DPP6: variants seen among roughly 807,000 people sequenced by gnomAD.
DPP6 encodes dipeptidyl peptidase like 6.
DPP6 carries 69 observed loss-of-function variants against 122.6 expected under a neutral mutation model. That is an observed-to-expected ratio of 0.56 (90% CI 0.46 to 0.69). The LOEUF (loss-of-function observed/expected upper bound fraction) is 0.69. Ranked by LOEUF, DPP6 falls within the 30% of genes least tolerant of loss-of-function variation. The pLI, the probability that DPP6 is intolerant of heterozygous loss-of-function variation, is 0.00. For missense variants in DPP6, 928 were observed against 1,116.9 expected, an observed-to-expected ratio of 0.83 and a Z score of 2.41; for synonymous variants, 418 against 433.1, an observed-to-expected ratio of 0.97 and a Z score of 0.43.
chr7:154,879,576 G>A (rs1182907339), intron 20 of DPP6, among the ~76,000 whole-genome samples: 2 of 80,914 alleles, frequency 2.5e-5, no homozygotes, highest in Non-Finnish European at 4.1e-5. Flanking sequence ...GGGCGACAGC[G>A]AGACTCCGTC....
chr7:154,254,467 A>T (rs1585750841), intron 1 of DPP6, among the ~76,000 whole-genome samples: 1 of 152,210 alleles, frequency 6.6e-6, no homozygotes, highest in South Asian at 2.1e-4. Flanking sequence ...TGAATTTCGA[A>T]TGAAAACACT....
upstream of DPP6, among the ~76,000 whole-genome samples, chr7:154,050,091 G>T (rs1800224061): frequency 6.6e-6 from 1 of 152,102 alleles, no homozygotes; most frequent in Admixed American, 6.5e-5. Context: ...GCTCTTTCCT[G>T]CCCTCCGTTT....
intron 20 of DPP6, 38 bp downstream of exon 20, chr7:154,876,138 G>T (rs763611884): frequency 6.6e-7 from 1 of 1,522,642 alleles, no homozygotes; most frequent in African/African-American, 1.4e-5. Context: ...GGCCGGGAGG[G>T]GACGGGGCTC....
Position 154,061,950 on chromosome 7 carries a change from C to A in DPP6, c.243+8887C>A, listed in dbSNP as rs1354502268. On this transcript the variant is annotated intron_variant, in intron 1 of 25. Transcript: ENST00000377770. The stretch of plus-strand genomic sequence containing the variant: ...CCCCATCGCAGGAGGGGGAGGCAAC[C>A]CTGCGAGGGTGGGGACTGAGAGCTA... Among the ~76,000 whole-genome samples, 3 of 133,734 alleles carry A rather than the reference C, an allele frequency of 2.2e-5. 1 individual carries two copies. Among genetic ancestry groups the A allele is most frequent in the African/African-American group, 8.3e-5 (3 of 36,262 alleles). 87.7% of individuals were successfully genotyped at this position (133,734 alleles called of 152,430 possible).
In DPP6 at chr7:154,868,096, A is replaced by T. The variant is rs1283457429; in HGVS notation, c.1813+3A>T. The T allele has an allele frequency of 6.3e-7, 1 of 1,599,214 alleles. No homozygotes were observed. Among genetic ancestry groups the T allele is most frequent in the Non-Finnish European group, 8.5e-7 (1 of 1,172,760 alleles). ...GGACATTGAGATTGATGATTACAGT[A>T]AGTACTACGTTTTTCCCCTCTAAAA... On this transcript the variant is annotated splice_donor_region_variant and intron_variant, in intron 18 of 25. Transcript: ENST00000377770.
In DPP6 at chr7:154,516,264, CTT is replaced by C. The variant is rs34511688; in HGVS notation, c.458-24256_458-24255del. Reference sequence around the variant, plus strand: ...TCCTCAATACCTACTCCGAACTCTGCTTTTTTTTTTTTTGGTCCAGACAGAAA... The same window carrying C: ...TCCTCAATACCTACTCCGAACTCTGCTTTTTTTTTTTGGTCCAGACAGAAA... On this transcript the variant is annotated intron_variant, in intron 3 of 25. Transcript: ENST00000377770. Among the ~76,000 whole-genome samples the C allele has an allele frequency of 5.3e-3, 785 of 146,744 alleles. 3 individuals are homozygous for C. Among genetic ancestry groups the C allele is most frequent in the African/African-American group, 0.01 (414 of 40,070 alleles).
chr7:154,329,075 T>C (rs369352807), intron 1 of DPP6, among the ~76,000 whole-genome samples: 35 of 152,364 alleles, frequency 2.3e-4, no homozygotes, highest in African/African-American at 7.5e-4. Context: ...ACCATGGTTT[T>C]AGCCCTACTT....
chr7:154,687,270 G>C (rs1339702329), intron 7 of DPP6, among the ~76,000 whole-genome samples: 2 of 152,156 alleles, frequency 1.3e-5, no homozygotes, highest in Non-Finnish European at 2.9e-5. Context: ...TCAGTTTTCT[G>C]TCATAGTCCA....
rs527603974 is a variant in DPP6, at chr7:154,319,095, T to C, written c.244-127119T>C. ...GGAGAGTAATGAAGTCTGGACACCATGGAATGCCTGTGTGCAGCCTCTCTG... is the reference window on the plus strand; with the variant it reads ...GGAGAGTAATGAAGTCTGGACACCACGGAATGCCTGTGTGCAGCCTCTCTG... On this transcript the variant is annotated intron_variant, in intron 1 of 25. Transcript: ENST00000377770. Among the ~76,000 whole-genome samples the C allele has an allele frequency of 3.9e-5, 6 of 152,318 alleles. No individual in the cohort carries two copies. The South Asian group carries it at 1.2e-3, about 32-fold the overall frequency.
At chr7:154,884,412 CATACACATGCTCCCACATGCTCACCT>C (rs1467561159) in intron 21 of DPP6, 1 of 151,180 alleles carries the variant, frequency 6.6e-6, no homozygotes, top group African/African-American at 2.4e-5. Flanking sequence ...CACACGATTA[CATACACATGCTCCCACATGCTCACCT>C]ATACACATGC....
intron 16 of DPP6, among the ~76,000 whole-genome samples, chr7:154,824,302 A>G (rs1563251942): frequency 6.6e-6 from 1 of 152,078 alleles, no homozygotes; most frequent in African/African-American, 2.4e-5. Flanking sequence ...GTTTTGAGAC[A>G]GAGTTTCACT....
chr7:153,803,397 C>T, the DPP6 span, among the ~76,000 whole-genome samples: 2 of 151,430 alleles, frequency 1.3e-5, no homozygotes, highest in South Asian at 2.1e-4. Flanking sequence ...ATCTTTCAGT[C>T]CATGGAGGCG....
chr7:154,892,570 C>T lies in DPP6; in HGVS notation c.*90C>T, dbSNP rs1806710761. The T allele has an allele frequency of 3.1e-5, 16 of 513,292 alleles. No homozygotes were observed. The highest frequency in any genetic ancestry group is 6.0e-5 in the Non-Finnish European group (16 of 266,700). 31.8% of individuals were successfully genotyped at this position (513,292 alleles called of 1,614,324 possible). On this transcript the variant is annotated 3_prime_UTR_variant, in exon 26 of 26. Transcript: ENST00000377770. ...TGCCCTCCCTCTTCCCTCGGAGGGG[C>T]GGGGCGGGGCGGGGCCGGGTGTTCC...
chr7:154,806,387 A>T (rs3823526), intron 15 of DPP6, among the ~76,000 whole-genome samples: 16,321 of 152,116 alleles, frequency 0.11, 1,067 homozygotes, highest in African/African-American at 0.18. Flanking sequence ...TTGAAATGAC[A>T]CTTGACCACA....
In DPP6 at chr7:154,483,229, AAC is replaced by A. The variant is rs1410465407; in HGVS notation, c.457+8193_457+8194del. ...CGAGTTAGTGTGCTGCCGATTTTGTAACGGCAGATGTAAATGAAAAACCACCC... is the reference window on the plus strand; with the variant it reads ...CGAGTTAGTGTGCTGCCGATTTTGTAGGCAGATGTAAATGAAAAACCACCC... On this transcript the variant is annotated intron_variant, in intron 3 of 25. Coordinates refer to ENST00000377770, the MANE Select transcript of DPP6 (RefSeq NM_130797.4). The surrounding 1 kb of genome is among the most constrained non-coding windows in gnomAD (Gnocchi z 8.1). Among the ~76,000 whole-genome samples, 1 of 152,132 alleles carries A rather than the reference AAC, an allele frequency of 6.6e-6. No individual in the cohort carries two copies. The highest frequency in any genetic ancestry group is 1.5e-5 in the Non-Finnish European group (1 of 68,032).
intron 1 of DPP6, among the ~76,000 whole-genome samples, chr7:153,966,554 CTTTTTTTTTTTTTTTTTTT>C (rs753840054): frequency 0.37 from 15,189 of 41,094 alleles, 3,185 homozygotes; most frequent in Middle Eastern, 0.48. Context: ...CCTGTGTTGG[CTTTTTTTTTTTTTTTTTTT>C]TTTTTTTTTT....
chr7:154,580,905 A>G (rs1299990131), intron 5 of DPP6, among the ~76,000 whole-genome samples: 5 of 152,168 alleles, frequency 3.3e-5, no homozygotes, highest in African/African-American at 1.2e-4. Context: ...GAGAAAAGTC[A>G]ACATAAAAAT....
intron 1 of DPP6, among the ~76,000 whole-genome samples, chr7:154,292,390 A>T (rs1585847569): frequency 1.3e-5 from 2 of 152,290 alleles, no homozygotes; most frequent in Admixed American, 1.3e-4. Flanking sequence ...AAACGTGGCT[A>T]ATTTCCCAGC....
intron 1 of DPP6, among the ~76,000 whole-genome samples, chr7:154,426,794 T>C (rs1817950440): frequency 6.8e-6 from 1 of 146,392 alleles, no homozygotes; most frequent in African/African-American, 2.6e-5. Context: ...AGTAAGTTAT[T>C]TGGTACTCTG....
Sources: gnomAD v4.1 joint callset for allele counts (sites outside exome capture counted in the v4.1 genomes callset) on GRCh38, gnomAD v4.1.1 for gene constraint, Gnocchi (gnomAD v3.1) non-coding constraint, MANE v1.5 for transcripts, NCBI Gene and HGNC (gene_info 2026-07-23, HGNC 2026-07-21) for gene names.